The following PDZD2 variants were observed in gnomAD, a reference collection of about 807,000 sequenced individuals.
The protein encoded by PDZD2 is PDZ domain-containing protein 2.
In PDZD2, 90 loss-of-function variants were observed where a neutral mutation model predicts 220.7. The ratio of observed to expected loss-of-function variants is 0.41; its 90% CI spans 0.34 to 0.49. The LOEUF (loss-of-function observed/expected upper bound fraction) is 0.49. PDZD2 is among the 20% of genes least tolerant of loss of function. The probability of loss-of-function intolerance (pLI) is 0.28; values close to 1 mark genes in which losing one functional copy is unlikely to be tolerated. For synonymous variants in PDZD2, 1,375 were observed against 1,450.5 expected (o/e 0.95, Z 1.18); for missense variants, 3,174 against 3,608.5 (o/e 0.88, Z 3.08).
chr5:32,040,863 C>T (rs1168015910), intron 7 of PDZD2, among the ~76,000 whole-genome samples: 5 of 147,276 alleles, frequency 3.4e-5, no homozygotes, highest in East Asian at 2.1e-4. Context: ...CCGGCCGCCC[C>T]GTCTGGGAAG....
At chr5:31,738,610 A>G (rs1004130077) in intron 1 of PDZD2, 2 of 152,330 alleles carry the variant, frequency 1.3e-5, no homozygotes, top group Admixed American at 6.5e-5. Flanking sequence ...CATCCGTTTC[A>G]TGGGACTTCA....
At chr5:31,834,645 G>A (rs1310257352) in intron 2 of PDZD2, among the ~76,000 whole-genome samples, 2 of 150,420 alleles carry the variant, frequency 1.3e-5, no homozygotes, top group Non-Finnish European at 2.9e-5. Flanking sequence ...GATGACCTCA[G>A]CTTGTGGAGG....
At position 32,074,547 on chromosome 5, in the gene PDZD2, C is replaced by T. The variant is rs1281949785; in HGVS notation, c.3441C>T (p.Gly1147=). 1 of 1,613,914 alleles carries T rather than the reference C, an allele frequency of 6.2e-7. No individual in the cohort carries two copies. The highest frequency in any genetic ancestry group is 8.5e-7 in the Non-Finnish European group (1 of 1,179,930). ...GCTCACAGACAGTGAACCTGACTGG[C>T]AGAGCCAATGATCCATGCGATCTGG... ...PSGSQTVNLT[G]RANDPCDLDS... is the part of the protein sequence containing the mutation. Residue 1147 remains glycine (G), a synonymous_variant, in exon 18 of 25, where the codon GGC becomes GGT. Transcript: ENST00000438447.
chr5:31,725,818 G>C (rs1218258121), intron 1 of PDZD2: 9 of 881,764 alleles, frequency 1.0e-5, no homozygotes, highest in African/African-American at 1.6e-5. Context: ...ATCCACTTTG[G>C]TGTTTGAATC....
chr5:32,108,706 A>C lies in PDZD2; in HGVS notation c.*571A>C, dbSNP rs1241066698. The C allele has an allele frequency of 1.3e-5, 2 of 152,716 alleles. No individual in the cohort carries two copies. The highest frequency in any genetic ancestry group is 2.9e-5 in the Non-Finnish European group (2 of 68,066). 9.5% of individuals were successfully genotyped at this position (152,716 alleles called of 1,614,324 possible). A position where few individuals can be genotyped will look rare whatever the true frequency, so the allele number is the denominator to read the frequency against. On this transcript the variant is annotated 3_prime_UTR_variant, in exon 25 of 25. Transcript: ENST00000438447. The stretch of plus-strand genomic sequence containing the variant: ...AAATGAATTATGACCTGTTAGGCTG[A>C]GCTCAGGAATTGTCCAAAAAGGAAA...
intron 1 of PDZD2, among the ~76,000 whole-genome samples, chr5:31,648,792 C>T (rs1745229721): frequency 6.6e-6 from 1 of 152,110 alleles, no homozygotes; most frequent in African/African-American, 2.4e-5. Context: ...CATCAACATC[C>T]TTCACCACAT....
rs780636296 is a variant in PDZD2, at chr5:32,087,194, C to T, written c.3746C>T (p.Pro1249Leu). Residue 1249 changes from proline to leucine, a missense_variant, in exon 20 of 25, where the codon CCC becomes CTC. Pro to Leu is a moderately conservative substitution (Grantham distance 98). Around this residue, in one of 4 missense-constraint regions of PDZD2, gnomAD observed 1,861 missense variants for 2,001.0 expected, o/e 0.93. Coordinates refer to ENST00000438447, the MANE Select transcript of PDZD2 (RefSeq NM_178140.4). This position sits in a 1 kb window ranked among gnomAD's most constrained non-coding sequence, Gnocchi z 4.0. ...AAGAAGGGGGCCGCTCATCCTGACC[C>T]CAGCAAGACCTCTGTAGACACAGGG... ...PGKKGAAHPD[P>L]SKTSVDTGQV... 1.2e-6 allele frequency: 2 copies of T among 1,614,028 alleles called. No individual in the cohort carries two copies. The highest frequency in any genetic ancestry group is 1.7e-6 in the Non-Finnish European group (2 of 1,179,942).
chr5:31,769,662 A>C (rs1752230209), intron 1 of PDZD2, among the ~76,000 whole-genome samples: 1 of 152,180 alleles, frequency 6.6e-6, no homozygotes, highest in Non-Finnish European at 1.5e-5. Flanking sequence ...AGTTGGAAGA[A>C]GTCAATTAAT....
At chr5:31,849,431 T>C (rs556125162) in intron 2 of PDZD2, among the ~76,000 whole-genome samples, 1 of 152,182 alleles carries the variant, frequency 6.6e-6, no homozygotes, top group Non-Finnish European at 1.5e-5. Flanking sequence ...GTGCCCAATA[T>C]AATTATAGTA....
In PDZD2 at chr5:32,072,192, A is replaced by G. The variant is rs1740811896; in HGVS notation, c.2600A>G (p.Gln867Arg). ...CTTATTTCTGAATCTGAACTCTCCC[A>G]GTACTTTGCCCACGATGTCCCTGGC... ...DSLISESELS[Q>R]YFAHDVPGPL... The change falls in exon 17 of 25, where the codon CAG becomes CGG. Residue 867 changes from glutamine (Q) to arginine (R), a missense_variant. Around this residue, in one of 4 missense-constraint regions of PDZD2, gnomAD observed 1,861 missense variants for 2,001.0 expected, o/e 0.93. Coordinates refer to ENST00000438447, the MANE Select transcript of PDZD2 (RefSeq NM_178140.4). 3 of 1,613,430 alleles carry G rather than the reference A, an allele frequency of 1.9e-6. No individual in the cohort carries two copies. Among genetic ancestry groups the G allele is most frequent in the Non-Finnish European group, 2.5e-6 (3 of 1,179,366 alleles).
intron 1 of PDZD2, chr5:31,712,038 C>G (rs437972): frequency 0.75 from 115,182 of 152,740 alleles, 43,551 homozygotes; most frequent in East Asian, 0.94. Flanking sequence ...TGTGGGTGAT[C>G]AGAAGTGTGG....
chr5:31,687,734 G>A (rs753772502), intron 1 of PDZD2, among the ~76,000 whole-genome samples: 12 of 152,204 alleles, frequency 7.9e-5, no homozygotes, highest in South Asian at 2.1e-4. Context: ...GGGTTCTAGC[G>A]AGGGCCTTCT....
chr5:31,790,772 C>T (rs1482193920), intron 1 of PDZD2, among the ~76,000 whole-genome samples: 4 of 145,424 alleles, frequency 2.8e-5, no homozygotes, highest in Non-Finnish European at 6.0e-5. Context: ...GATCTCGGCT[C>T]ACTGCAAGCT....
In PDZD2 at chr5:32,087,805, G is replaced by A; in HGVS notation, c.4357G>A (p.Glu1453Lys). ...SSQTGDSGSQ[E>K]GSAQGHPPAG... is the part of the protein sequence containing the mutation. ...CCAGACGGGGGACAGTGGCTCTCAG[G>A]AGGGCAGTGCTCAGGGCCACCCACC... Residue 1453 changes from glutamate (E) to lysine (K), a missense_variant, in exon 20 of 25, where the codon GAG becomes AAG. Around this residue, in one of 4 missense-constraint regions of PDZD2, gnomAD observed 1,861 missense variants for 2,001.0 expected, o/e 0.93. Transcript: ENST00000438447. The surrounding 1 kb of genome is among the most constrained non-coding windows in gnomAD (Gnocchi z 4.0). 6.2e-7 allele frequency: 1 copy of A among 1,613,318 alleles called. No homozygotes were observed. The highest frequency in any genetic ancestry group is 8.5e-7 in the Non-Finnish European group (1 of 1,179,830).
At position 31,864,233 on chromosome 5, in the gene PDZD2, C is replaced by G. The variant is rs138966786; in HGVS notation, c.476+64509C>G. 5.7e-4 allele frequency among the ~76,000 whole-genome samples: 87 copies of G among 152,322 alleles called. 1 individual carries two copies. The highest frequency in any genetic ancestry group is 1.9e-3 in the African/African-American group (81 of 41,564). ...TTCCTAGCTCCAGCTCCTGCATAGTCTGATAATGCTGCTTCCTTCCCATGC... is the reference window on the plus strand; with the variant it reads ...TTCCTAGCTCCAGCTCCTGCATAGTGTGATAATGCTGCTTCCTTCCCATGC... On this transcript the variant is annotated intron_variant, in intron 2 of 24. Transcript: ENST00000438447.
In PDZD2 at chr5:32,110,671, G is replaced by T. The variant is rs940726592; in HGVS notation, c.*2536G>T. On this transcript the variant is annotated 3_prime_UTR_variant, in exon 25 of 25. Transcript: ENST00000438447. ...AGAATATACCATGAAGATTAAAGTA[G>T]GCTGGGTTTCATTTCCATCTTCCCA... 1.3e-5 allele frequency: 2 copies of T among 152,456 alleles called. No individual in the cohort carries two copies. The highest frequency in any genetic ancestry group is 4.8e-5 in the African/African-American group (2 of 41,342). 9.4% of individuals were successfully genotyped at this position (152,456 alleles called of 1,614,324 possible).
intron 1 of PDZD2, among the ~76,000 whole-genome samples, chr5:31,769,173 C>T (rs1752201847): frequency 6.6e-6 from 1 of 152,202 alleles, no homozygotes; most frequent in South Asian, 2.1e-4. Context: ...CCCTTCAAGC[C>T]ATGTGGCTTG....
At chr5:32,097,188 C>T in intron 21 of PDZD2, 91 bp from the exon 22 acceptor site, 1 of 820,276 alleles carries the variant, frequency 1.2e-6, no homozygotes, top group Non-Finnish European at 2.1e-6. Flanking sequence ...GACATCAGAG[C>T]TTCCTTACTC....
At chr5:32,040,859 G>A (rs1388446628) in intron 7 of PDZD2, among the ~76,000 whole-genome samples, 4 of 144,212 alleles carry the variant, frequency 2.8e-5, no homozygotes, top group East Asian at 4.3e-4. Context: ...CTGCCCGGCC[G>A]CCCCGTCTGG....
Sources: gnomAD v4.1 joint callset for allele counts (sites outside exome capture counted in the v4.1 genomes callset) on GRCh38, gnomAD v4.1.1 for gene constraint, gnomAD v4.1.1 regional missense constraint, Gnocchi (gnomAD v3.1) non-coding constraint, MANE v1.5 for transcripts, NCBI Gene and HGNC (gene_info 2026-07-23, HGNC 2026-07-21) for gene names.